The following AKAP6 variants were observed in gnomAD, a reference collection of about 807,000 sequenced individuals.
AKAP6 encodes A-kinase anchoring protein 6.
Under a neutral mutation model 188.5 loss-of-function variants are expected in AKAP6, and 58 were observed. That is an observed-to-expected ratio of 0.31 (90% CI 0.25 to 0.38). AKAP6 has a LOEUF of 0.38. Ranked by LOEUF, AKAP6 falls within the 10% of genes least tolerant of loss-of-function variation. The pLI is 1.00. For missense variants in AKAP6, 2,710 were observed against 2,740.0 expected (o/e 0.99, Z 0.24); for synonymous variants, 989 against 998.6 (o/e 0.99, Z 0.18).
At chr14:32,451,267 A>G (rs1447550838) in intron 2 of AKAP6, among the ~76,000 whole-genome samples, 1 of 152,224 alleles carries the variant, frequency 6.6e-6, no homozygotes, top group Non-Finnish European at 1.5e-5. Context: ...CTTCCTAATT[A>G]CTACATATTC....
chr14:32,392,200 A>G (rs569569433), intron 1 of AKAP6, among the ~76,000 whole-genome samples: 38 of 152,320 alleles, frequency 2.5e-4, no homozygotes, highest in Admixed American at 4.6e-4. Flanking sequence ...ATTGCACACA[A>G]TGTTCTTTAG....
chr14:32,470,735 C>G (rs1371421697), intron 2 of AKAP6, among the ~76,000 whole-genome samples: 1 of 152,182 alleles, frequency 6.6e-6, no homozygotes, highest in Non-Finnish European at 1.5e-5. Flanking sequence ...GAAAGCAATA[C>G]TTAGAGCTAG....
chr14:32,677,489 G>T (rs1889481981), intron 7 of AKAP6, among the ~76,000 whole-genome samples: 1 of 152,194 alleles, frequency 6.6e-6, no homozygotes, highest in South Asian at 2.1e-4. Context: ...CAATGTACAT[G>T]AACTCAGCAT....
In AKAP6 at chr14:32,751,786, T is replaced by C. The variant is rs117538639; in HGVS notation, c.3372+15904T>C. 6.8e-3 allele frequency among the ~76,000 whole-genome samples: 1,040 copies of C among 152,324 alleles called. 7 individuals carry two copies. The highest frequency in any genetic ancestry group is 0.012 in the Non-Finnish European group (823 of 68,018). On this transcript the variant is annotated intron_variant, in intron 11 of 13. Transcript: ENST00000280979. Reference sequence around the variant, plus strand: ...CTAATTTTGTAATTCATTGTTTTCATTGCAATTTTTAATTCAACAGAAGTT... The same window carrying C: ...CTAATTTTGTAATTCATTGTTTTCACTGCAATTTTTAATTCAACAGAAGTT...
At chr14:32,828,460 T>G (rs752487707) in intron 13 of AKAP6, among the ~76,000 whole-genome samples, 2 of 152,024 alleles carry the variant, frequency 1.3e-5, no homozygotes, top group Non-Finnish European at 2.9e-5. Context: ...TAACTAGCCC[T>G]GCTATGCTAA....
chr14:32,644,931 T>C (rs1887922986), intron 7 of AKAP6, among the ~76,000 whole-genome samples: 2 of 152,176 alleles, frequency 1.3e-5, no homozygotes, highest in Admixed American at 1.3e-4. Context: ...TTTGACAGAC[T>C]AACGGGTATA....
intron 12 of AKAP6, among the ~76,000 whole-genome samples, chr14:32,812,623 T>G (rs796724525): frequency 5.3e-5 from 8 of 152,284 alleles, no homozygotes; most frequent in African/African-American, 1.9e-4. Context: ...TAGTGAAACA[T>G]TCAGAGTTAG....
At chr14:32,540,197 AATTTTTTAT>A (rs1882884574) in intron 3 of AKAP6, among the ~76,000 whole-genome samples, 1 of 50,694 alleles carries the variant, frequency 2.0e-5, no homozygotes, top group African/African-American at 9.2e-5. Context: ...TATATATTTT[AATTTTTTAT>A]TTTTTTTTTT....
chr14:32,458,045 G>A (rs1421932801), intron 2 of AKAP6, among the ~76,000 whole-genome samples: 1 of 152,150 alleles, frequency 6.6e-6, no homozygotes, highest in Non-Finnish European at 1.5e-5. Flanking sequence ...TGAGTGAAAA[G>A]CCTTGGCAAA....
intron 10 of AKAP6, among the ~76,000 whole-genome samples, chr14:32,735,281 C>G (rs957305885): frequency 6.6e-6 from 1 of 152,064 alleles, no homozygotes; most frequent in African/African-American, 2.4e-5. Context: ...TTACTATAAA[C>G]TCCTATCATG....
chr14:32,421,961 T>C (rs1258905604), intron 1 of AKAP6, among the ~76,000 whole-genome samples: 1 of 152,190 alleles, frequency 6.6e-6, no homozygotes, highest in African/African-American at 2.4e-5. Flanking sequence ...GTTTTCAGAA[T>C]ACTCCTCAAC....
At chr14:32,587,879 G>A (rs1941298818) in intron 5 of AKAP6, among the ~76,000 whole-genome samples, 1 of 152,160 alleles carries the variant, frequency 6.6e-6, no homozygotes, top group Non-Finnish European at 1.5e-5. Context: ...GTGAAACCAG[G>A]TAACGTGATA....
At chr14:32,732,378 C>G in intron 9 of AKAP6, 76 bp from the exon 10 acceptor site, 1 of 1,507,826 alleles carries the variant, frequency 6.6e-7, no homozygotes, top group Non-Finnish European at 8.9e-7. Flanking sequence ...TCGTAAGCAT[C>G]ACAAATTCTG....
chr14:32,427,400 A>C (rs939784538), intron 1 of AKAP6, among the ~76,000 whole-genome samples: 2 of 152,186 alleles, frequency 1.3e-5, no homozygotes, highest in Non-Finnish European at 2.9e-5. Context: ...CCCTAAGTAC[A>C]GATTTAACTT....
intron 2 of AKAP6, among the ~76,000 whole-genome samples, chr14:32,524,150 C>A (rs987930806): frequency 2.8e-5 from 4 of 140,662 alleles, no homozygotes; most frequent in Non-Finnish European, 6.3e-5. Context: ...ACAGCAAGAG[C>A]CTGTTTCAAA....
At chr14:32,627,668 A>G (rs1189834772) in intron 7 of AKAP6, among the ~76,000 whole-genome samples, 1 of 152,084 alleles carries the variant, frequency 6.6e-6, no homozygotes, top group Non-Finnish European at 1.5e-5. Flanking sequence ...AGGAAAGGAA[A>G]ACAGGAAATT....
intron 2 of AKAP6, among the ~76,000 whole-genome samples, chr14:32,475,709 C>T (rs987873527): frequency 2.1e-5 from 3 of 142,220 alleles, no homozygotes; most frequent in Admixed American, 7.4e-5. Flanking sequence ...GACGGAGTCT[C>T]GCTGTGTCAC....
intron 7 of AKAP6, among the ~76,000 whole-genome samples, chr14:32,673,295 T>A (rs1416226375): frequency 6.6e-6 from 1 of 152,242 alleles, no homozygotes; most frequent in Non-Finnish European, 1.5e-5. Flanking sequence ...ACTTGGACAC[T>A]TGTAGTTATC....
chr14:32,726,244 A>T, intron 9 of AKAP6: 1 of 963,918 alleles, frequency 1.0e-6, no homozygotes, highest in Non-Finnish European at 1.2e-6. Flanking sequence ...GGGAAAAAAT[A>T]ATATTTGAGT....
Sources: gnomAD v4.1 joint callset for allele counts (sites outside exome capture counted in the v4.1 genomes callset) on GRCh38, gnomAD v4.1.1 for gene constraint, MANE v1.5 for transcripts, NCBI Gene and HGNC (gene_info 2026-07-23, HGNC 2026-07-21) for gene names.